The following RASGRP3 variants were observed in gnomAD, a reference collection of about 807,000 sequenced individuals.
RASGRP3 encodes RAS guanyl releasing protein 3.
In RASGRP3, 54 loss-of-function variants were observed where a neutral mutation model predicts 82.7. That is an observed-to-expected ratio of 0.65 (90% CI 0.52 to 0.82). The LOEUF (loss-of-function observed/expected upper bound fraction) is 0.82. Among genes scored for constraint, RASGRP3 ranks in the 40% least tolerant of loss-of-function variants. The probability of loss-of-function intolerance (pLI) is 0.00; values close to 1 mark genes in which losing one functional copy is unlikely to be tolerated. For synonymous variants in RASGRP3, 309 were observed against 300.5 expected (o/e 1.03, Z -0.29); for missense variants, 861 against 828.9 (o/e 1.04, Z -0.48).
intron 2 of RASGRP3, among the ~76,000 whole-genome samples, chr2:33,469,939 G>A (rs547928415): frequency 2.7e-4 from 41 of 152,262 alleles, no homozygotes; most frequent in African/African-American, 9.4e-4. Context: ...ACATTTTACT[G>A]TAGTTCTTCT....
chr2:33,475,167 A>C (rs548607461), upstream of RASGRP3, among the ~76,000 whole-genome samples: 5 of 152,246 alleles, frequency 3.3e-5, no homozygotes, highest in African/African-American at 1.2e-4. Flanking sequence ...TTGCATTTTT[A>C]TATCTGAAGT....
At chr2:33,482,807 G>A (rs558851184) in intron 1 of RASGRP3, 42 of 152,322 alleles carry the variant, frequency 2.8e-4, no homozygotes, top group African/African-American at 9.6e-4. Context: ...AGGGCTTAGA[G>A]GTAGGGGAAA....
At chr2:33,558,598 T>C in intron 16 of RASGRP3, 74 bp from the exon 17 acceptor site, 1 of 1,329,078 alleles carries the variant, frequency 7.5e-7, no homozygotes, top group East Asian at 2.3e-5. Flanking sequence ...AGACTCGTGC[T>C]GTTTGCACTA....
intron 15 of RASGRP3, among the ~76,000 whole-genome samples, chr2:33,556,016 T>G (rs1363165947): frequency 2.0e-5 from 3 of 152,148 alleles, no homozygotes; most frequent in Non-Finnish European, 4.4e-5. Context: ...AAAACGTAAT[T>G]TTGTCCTTTT....
intron 13 of RASGRP3, among the ~76,000 whole-genome samples, chr2:33,548,222 G>T (rs529938254): frequency 6.6e-6 from 1 of 151,758 alleles, no homozygotes; most frequent in African/African-American, 2.4e-5. Flanking sequence ...TTAGCTGGGC[G>T]CAGTGGCGGG....
In RASGRP3 at chr2:33,562,749, G is replaced by A. The variant is rs774957283; in HGVS notation, c.*12G>A. On this transcript the variant is annotated 3_prime_UTR_variant, in exon 18 of 18. Coordinates refer to ENST00000403687, the MANE Select transcript of RASGRP3 (RefSeq NM_001139488.2). ...TTCAGGATGGCTGACTTCAGGCTGC[G>A]GAAACTGAAGGCAATAATGTTGGCT... 72 of 1,613,166 alleles carry A rather than the reference G, an allele frequency of 4.5e-5. No homozygotes were observed. The highest frequency in any genetic ancestry group is 9.9e-5 in the South Asian group (9 of 91,022).
chr2:33,476,758 C>CGTGCGTGTGTGTGTGTGTGTGTGTGT (rs1553338895), intron 1 of RASGRP3, 51 bp downstream of exon 1: 1 of 140,258 alleles, frequency 7.1e-6, no homozygotes, highest in Non-Finnish European at 1.5e-5. Context: ...ATTCCCTCTC[C>CGTGCGTGTGTGTGTGTGTGTGTGTGT]GTGTGTGTGT....
At chr2:33,506,539 T>C (rs1670396401) in intron 1 of RASGRP3, among the ~76,000 whole-genome samples, 1 of 152,238 alleles carries the variant, frequency 6.6e-6, no homozygotes, top group Non-Finnish European at 1.5e-5. Context: ...ATGGTATTTT[T>C]AGATGCTGTT....
intron 4 of RASGRP3, among the ~76,000 whole-genome samples, chr2:33,518,170 A>G (rs1671641649): frequency 6.6e-6 from 1 of 152,178 alleles, no homozygotes; most frequent in African/African-American, 2.4e-5. Flanking sequence ...CATAGAGTGC[A>G]CTCACACAAG....
At chr2:33,486,962 C>G (rs1668451568) in intron 1 of RASGRP3, among the ~76,000 whole-genome samples, 1 of 151,888 alleles carries the variant, frequency 6.6e-6, no homozygotes, top group Non-Finnish European at 1.5e-5. Context: ...CAAATTTCAA[C>G]CATATATAAA....
At chr2:33,546,291 C>T (rs546079334) in intron 13 of RASGRP3, among the ~76,000 whole-genome samples, 5 of 151,912 alleles carry the variant, frequency 3.3e-5, no homozygotes, top group South Asian at 4.2e-4. Flanking sequence ...GGCTTGGTGG[C>T]GGGCCCCTGT....
intron 1 of RASGRP3, among the ~76,000 whole-genome samples, chr2:33,446,569 T>G (rs1429760667): frequency 6.6e-6 from 1 of 151,532 alleles, no homozygotes. Context: ...GAGAGGAAAG[T>G]GAAGAGAATG....
At position 33,537,320 on chromosome 2, in the gene RASGRP3, A is replaced by ACCCCC. The variant is rs1266542679; in HGVS notation, c.1162-1772_1162-1771insCCCCC. Among the ~76,000 whole-genome samples the ACCCCC allele has an allele frequency of 1.6e-3, 53 of 33,268 alleles. 2 individuals carry two copies. Among genetic ancestry groups the ACCCCC allele is most frequent in the South Asian group, 4.7e-3 (6 of 1,284 alleles). 21.8% of individuals were successfully genotyped at this position (33,268 alleles called of 152,430 possible). ...GTCTCTAAAATACACACACACACAC[A>ACCCCC]CCGCCCCCCCCACACACACACACAA... is the stretch of plus-strand genomic sequence containing the variant. On this transcript the variant is annotated intron_variant, in intron 11 of 17. Coordinates refer to ENST00000403687, the MANE Select transcript of RASGRP3 (RefSeq NM_001139488.2).
chr2:33,510,074 G>A (rs531698146), intron 1 of RASGRP3, among the ~76,000 whole-genome samples: 1 of 152,282 alleles, frequency 6.6e-6, no homozygotes, highest in African/African-American at 2.4e-5. Context: ...ATTAACACTT[G>A]TATTCATGAA....
At chr2:33,522,804 T>A (rs1229051493) in intron 7 of RASGRP3, among the ~76,000 whole-genome samples, 1 of 152,192 alleles carries the variant, frequency 6.6e-6, no homozygotes, top group Non-Finnish European at 1.5e-5. Flanking sequence ...TGAATTACAT[T>A]ATTGCGTGCA....
intron 1 of RASGRP3, among the ~76,000 whole-genome samples, chr2:33,509,334 G>C (rs145963838): frequency 6.6e-6 from 1 of 151,948 alleles, no homozygotes; most frequent in Non-Finnish European, 1.5e-5. Flanking sequence ...CCTGGGAGGC[G>C]GAGGTTGCAG....
intron 1 of RASGRP3, among the ~76,000 whole-genome samples, chr2:33,494,797 CT>C (rs1367585269): frequency 6.6e-6 from 1 of 152,150 alleles, no homozygotes; most frequent in Non-Finnish European, 1.5e-5. Context: ...ATTTTGAGAA[CT>C]TTTTCTATTA....
intron 2 of RASGRP3, among the ~76,000 whole-genome samples, chr2:33,455,605 A>G (rs1162911396): frequency 6.6e-6 from 1 of 152,386 alleles, no homozygotes; most frequent in South Asian, 2.1e-4. Flanking sequence ...AAGTGCTGCC[A>G]AAGGCAGACC....
At chr2:33,454,533 T>C (rs1259430058) in intron 2 of RASGRP3, among the ~76,000 whole-genome samples, 2 of 152,226 alleles carry the variant, frequency 1.3e-5, no homozygotes, top group African/African-American at 4.8e-5. Context: ...GATTTTGAGC[T>C]TCCAGCTGAA....
Sources: allele counts gnomAD v4.1 joint callset (sites outside exome capture counted in the v4.1 genomes callset), GRCh38; gene constraint gnomAD v4.1.1; transcripts MANE v1.5; gene names NCBI Gene and HGNC (gene_info 2026-07-23, HGNC 2026-07-21).